The following STAG1 variants were observed in gnomAD, a reference collection of about 807,000 sequenced individuals.
STAG1 encodes the protein cohesin subunit SA-1.
Under a neutral mutation model 170.9 loss-of-function variants are expected in STAG1, and 26 were observed. That is an observed-to-expected ratio of 0.15 (90% CI 0.11 to 0.21). STAG1 has a LOEUF of 0.21. Ranked by LOEUF, STAG1 falls within the 10% of genes least tolerant of loss-of-function variation. STAG1 has a pLI of 1.00. For synonymous variants in STAG1, 514 were observed against 497.7 expected (o/e 1.03, Z -0.44); for missense variants, 964 against 1,509.5 (o/e 0.64, Z 5.99).
intron 1 of STAG1, among the ~76,000 whole-genome samples, chr3:136,734,020 TG>T (rs1361939342): frequency 2.0e-5 from 3 of 148,664 alleles, no homozygotes; most frequent in East Asian, 4.0e-4. Flanking sequence ...GGCAGGAGAA[TG>T]GCGTGAATCC....
chr3:136,673,791 A>G (rs1942045305), intron 1 of STAG1, among the ~76,000 whole-genome samples: 1 of 152,158 alleles, frequency 6.6e-6, no homozygotes, highest in Non-Finnish European at 1.5e-5. Context: ...TACAATAACT[A>G]TAATTGATTA....
intron 29 of STAG1, among the ~76,000 whole-genome samples, chr3:136,344,865 C>T (rs9813115): frequency 0.17 from 26,232 of 151,920 alleles, 2,835 homozygotes; most frequent in Non-Finnish European, 0.24. Flanking sequence ...CCGCCCACCT[C>T]GGCCTCTCAA....
chr3:136,580,003 C>G (rs901050863), intron 4 of STAG1, among the ~76,000 whole-genome samples: 4 of 109,190 alleles, frequency 3.7e-5, no homozygotes, highest in Non-Finnish European at 7.0e-5. Flanking sequence ...GAGTCTCACT[C>G]TGTCGCCAGG....
chr3:136,539,008 C>A (rs1310297992), intron 6 of STAG1, among the ~76,000 whole-genome samples: 3 of 151,982 alleles, frequency 2.0e-5, no homozygotes, highest in Non-Finnish European at 2.9e-5. Flanking sequence ...GCGGCAGGCG[C>A]CTGTAGTCCC....
At position 136,649,000 on chromosome 3, in the gene STAG1, A is replaced by G. The variant is rs1941124995; in HGVS notation, c.-83-18019T>C. ...CTAAACATAGCAAGCAAAAATTTTA[A>G]GTTCTGGGTCCTCCCCGGTCTCACC... On this transcript the variant is annotated intron_variant, in intron 1 of 33. Transcript: ENST00000383202. Among the ~76,000 whole-genome samples the G allele has an allele frequency of 1.3e-5, 2 of 152,202 alleles. 1 individual carries two copies. Among genetic ancestry groups the G allele is most frequent in the South Asian group, 4.1e-4 (2 of 4,826 alleles).
At chr3:136,430,610 C>T (rs1284587413) in intron 16 of STAG1, among the ~76,000 whole-genome samples, 13 of 137,332 alleles carry the variant, frequency 9.5e-5, no homozygotes, top group Admixed American at 7.1e-4. Flanking sequence ...CTACCACTAA[C>T]GATAGCTGAA....
chr3:136,587,416 T>C (rs1937885815), intron 4 of STAG1, among the ~76,000 whole-genome samples: 1 of 151,742 alleles, frequency 6.6e-6, no homozygotes, highest in Non-Finnish European at 1.5e-5. Flanking sequence ...GGTAGGCATC[T>C]GTAATCCCAG....
At chr3:136,575,796 T>C (rs1426079924) in intron 4 of STAG1, among the ~76,000 whole-genome samples, 1 of 151,944 alleles carries the variant, frequency 6.6e-6, no homozygotes, top group Non-Finnish European at 1.5e-5. Flanking sequence ...TGTTTGGAAG[T>C]TGTGCATATC....
At chr3:136,664,600 A>G (rs1016573130) in intron 1 of STAG1, among the ~76,000 whole-genome samples, 1 of 152,218 alleles carries the variant, frequency 6.6e-6, no homozygotes, top group East Asian at 1.9e-4. Context: ...TCCCTCCATG[A>G]AAAGTTTAGA....
rs200963346 is a variant in STAG1, at chr3:136,563,663, AC to A, written c.394+5101del. ...TCTTTCTTACAAAAAAAAAAAAAAA[AC>A]AACAACAACAAAGTTGCATACTGTA... is the stretch of plus-strand genomic sequence containing the variant. On this transcript the variant is annotated intron_variant, in intron 5 of 33. Transcript: ENST00000383202. Among the ~76,000 whole-genome samples the A allele has an allele frequency of 2.1e-3, 305 of 147,510 alleles. 2 individuals are homozygous for A. The highest frequency in any genetic ancestry group is 5.1e-3 in the African/African-American group (199 of 39,254).
At chr3:136,513,320 G>A (rs961168045) in intron 7 of STAG1, among the ~76,000 whole-genome samples, 19 of 151,626 alleles carry the variant, frequency 1.3e-4, no homozygotes, top group Admixed American at 1.1e-3. Context: ...TCGTGCCACC[G>A]TACTCCAGTC....
At chr3:136,527,941 G>C (rs559288868) in intron 6 of STAG1, among the ~76,000 whole-genome samples, 1 of 152,072 alleles carries the variant, frequency 6.6e-6, no homozygotes, top group Admixed American at 6.6e-5. Flanking sequence ...ATTGTTCCTC[G>C]GGAAGCTTCA....
chr3:136,411,158 C>T (rs907668552), intron 21 of STAG1, among the ~76,000 whole-genome samples: 2 of 152,058 alleles, frequency 1.3e-5, no homozygotes, highest in African/African-American at 4.8e-5. Flanking sequence ...TGGGTGTAGT[C>T]GCACAATTTT....
intron 2 of STAG1, 77 bp downstream of exon 2, chr3:136,630,793 A>T (rs1250620347): frequency 5.0e-6 from 5 of 999,734 alleles, no homozygotes; most frequent in Non-Finnish European, 7.6e-6. Context: ...ATCATCGAAG[A>T]GAGCATTTTG....
At chr3:136,505,384 C>G (rs894352456) in intron 7 of STAG1, among the ~76,000 whole-genome samples, 4 of 152,150 alleles carry the variant, frequency 2.6e-5, no homozygotes, top group Non-Finnish European at 4.4e-5. Context: ...CTGACCACAA[C>G]AAGTTTATTA....
intron 1 of STAG1, among the ~76,000 whole-genome samples, chr3:136,689,362 A>G (rs1412508507): frequency 1.3e-5 from 2 of 152,248 alleles, no homozygotes; most frequent in Non-Finnish European, 2.9e-5. Flanking sequence ...AATAAATGGC[A>G]TAATAAGCCA....
At position 136,630,926 on chromosome 3, in the gene STAG1, C is replaced by A; in HGVS notation, c.-28G>T. 1.3e-6 allele frequency: 2 copies of A among 1,558,882 alleles called. No individual in the cohort carries two copies. Among genetic ancestry groups the A allele is most frequent in the East Asian group, 2.4e-5 (1 of 41,656 alleles). On this transcript the variant is annotated 5_prime_UTR_variant, in exon 2 of 34. Transcript: ENST00000383202. ...CTGGAGAGGTCCTTTCACAATGCAG[C>A]AAAATAATCAAGTGCTGTACAACTC...
intron 12 of STAG1, among the ~76,000 whole-genome samples, chr3:136,468,864 G>T (rs1233264041): frequency 6.6e-6 from 1 of 151,800 alleles, no homozygotes; most frequent in Non-Finnish European, 1.5e-5. Context: ...TCCAGCATAT[G>T]AACAGAACCA....
At chr3:136,598,101 T>C (rs1938510406) in intron 4 of STAG1, among the ~76,000 whole-genome samples, 1 of 152,208 alleles carries the variant, frequency 6.6e-6, no homozygotes, top group Non-Finnish European at 1.5e-5. Flanking sequence ...TAAAAGATTT[T>C]CTAATATTAA....
Sources: gnomAD v4.1 joint callset for allele counts (sites outside exome capture counted in the v4.1 genomes callset) on GRCh38, gnomAD v4.1.1 for gene constraint, MANE v1.5 for transcripts, NCBI Gene and HGNC (gene_info 2026-07-23, HGNC 2026-07-21) for gene names.